The following NPAT variants were observed in gnomAD, a reference collection of about 807,000 sequenced individuals.
The protein encoded by NPAT is protein NPAT.
NPAT carries 52 observed loss-of-function variants against 130.7 expected under a neutral mutation model. The observed-to-expected ratio is 0.40, with a 90% confidence interval of 0.32 to 0.50. The LOEUF (loss-of-function observed/expected upper bound fraction) is 0.50. NPAT is among the 20% of genes least tolerant of loss of function. The probability of loss-of-function intolerance (pLI) is 0.68; values close to 1 mark genes in which losing one functional copy is unlikely to be tolerated. For missense variants in NPAT, 1,687 were observed against 1,662.6 expected (o/e 1.01, Z -0.26); for synonymous variants, 580 against 584.8 (o/e 0.99, Z 0.12).
intron 7 of NPAT, 95 bp from the exon 8 acceptor site, chr11:108,186,664 A>C: frequency 9.9e-7 from 1 of 1,010,848 alleles, no homozygotes; most frequent in South Asian, 1.4e-5. Context: ...GATCACCATA[A>C]CAGAACAGAT....
intron 1 of NPAT, chr11:108,208,391 A>C (rs1024076670): frequency 4.4e-6 from 2 of 452,334 alleles, no homozygotes; most frequent in Admixed American, 4.7e-5. Flanking sequence ...AGGGTTCAAG[A>C]CCATCCCGGG....
chr11:108,158,744 A>G lies in NPAT; in HGVS notation c.*198T>C, dbSNP rs1404931259. Reference sequence around the variant, plus strand: ...TTACATTTCTGCAAACGTTTTTCCCAAAATAAAAATATACCAAGTAAGTCT... The same window carrying G: ...TTACATTTCTGCAAACGTTTTTCCCGAAATAAAAATATACCAAGTAAGTCT... On this transcript the variant is annotated 3_prime_UTR_variant, in exon 18 of 18. Coordinates refer to ENST00000278612, the MANE Select transcript of NPAT (RefSeq NM_002519.3). 1 of 515,820 alleles carries G rather than the reference A, an allele frequency of 1.9e-6. No individual in the cohort carries two copies. Among genetic ancestry groups the G allele is most frequent in the East Asian group, 3.4e-5 (1 of 29,016 alleles). The allele number at this position is 515,820 out of a possible 1,614,324, so 32.0% of individuals were successfully genotyped here.
At chr11:108,183,168 G>T (rs1591397441) in intron 10 of NPAT, among the ~76,000 whole-genome samples, 1 of 151,584 alleles carries the variant, frequency 6.6e-6, no homozygotes, top group Non-Finnish European at 1.5e-5. Context: ...AATTTTTTTT[G>T]TATAGATGAG....
At chr11:108,197,000 A>C (rs1209112297) in intron 2 of NPAT, among the ~76,000 whole-genome samples, 2 of 152,182 alleles carry the variant, frequency 1.3e-5, no homozygotes, top group Admixed American at 6.5e-5. Context: ...TAAAAGGAGC[A>C]GCCAGATACA....
chr11:108,208,013 G>A (rs1054850995), intron 1 of NPAT, among the ~76,000 whole-genome samples: 1 of 152,214 alleles, frequency 6.6e-6, no homozygotes. Context: ...AAGTTGTTAT[G>A]TTAATACAGG....
At chr11:108,186,851 T>G (rs188962062) in intron 7 of NPAT, among the ~76,000 whole-genome samples, 2 of 152,154 alleles carry the variant, frequency 1.3e-5, no homozygotes, top group East Asian at 3.9e-4. Flanking sequence ...TGAAAAAAAC[T>G]TGAGTATAAA....
chr11:108,198,210 A>G (rs1231691492), intron 1 of NPAT, among the ~76,000 whole-genome samples: 1 of 152,212 alleles, frequency 6.6e-6, no homozygotes, highest in Non-Finnish European at 1.5e-5. Context: ...CAAACATGGA[A>G]GAAGAAAAAT....
chr11:108,185,350 T>C lies in NPAT; in HGVS notation c.819-31A>G, dbSNP rs150744251. ...AATAAAGAAAGAAAAATCTTTATTA[T>C]AGTTATGCAATTAGGCAAAAACAAT... On this transcript the variant is annotated intron_variant, in intron 9 of 17. Transcript: ENST00000278612. 551 of 1,580,316 alleles carry C rather than the reference T, an allele frequency of 3.5e-4. 2 individuals carry two copies. In the African/African-American group the frequency reaches 6.8e-3, roughly 19 times the overall value.
At position 108,189,165 on chromosome 11, in the gene NPAT, T is replaced by C; in HGVS notation, c.497A>G (p.Asp166Gly). The C allele has an allele frequency of 6.2e-7, 1 of 1,614,174 alleles. No individual in the cohort carries two copies. Among genetic ancestry groups the C allele is most frequent in the Non-Finnish European group, 8.5e-7 (1 of 1,180,022 alleles). The change falls in exon 6 of 18, where the codon GAT becomes GGT. Residue 166 changes from aspartate to glycine, a missense_variant. Asp to Gly is a moderately conservative substitution (Grantham distance 94, BLOSUM62 -1). This residue lies in a region of NPAT where 307 missense variants were observed against 298.9 expected (regional missense o/e 1.03). Transcript: ENST00000278612. ...CACTACAAAATATGACCTCGATGGA[T>C]CTGAAATTTGGCCACTTGGTCGAGT... ...QVTRPSGQIS[D>G]PSRSYFVVVN...
chr11:108,162,940 C>T (rs770239314), intron 15 of NPAT, among the ~76,000 whole-genome samples: 36 of 152,098 alleles, frequency 2.4e-4, no homozygotes, highest in African/African-American at 2.4e-4. Flanking sequence ...TTAATTTCCA[C>T]GAGCTTCAGC....
rs142706701 is a variant in NPAT at position 108,211,130 on chromosome 11, C to T, written c.37+11370G>A. ...GCTACTCGGGAGGCTGGGACAGAATCGCTTGAACCAGGGAGTCAGAGGTTG... is the reference window on the plus strand; with the variant it reads ...GCTACTCGGGAGGCTGGGACAGAATTGCTTGAACCAGGGAGTCAGAGGTTG... On this transcript the variant is annotated intron_variant, in intron 1 of 17. Coordinates refer to ENST00000278612, the MANE Select transcript of NPAT (RefSeq NM_002519.3). 6.1e-3 allele frequency among the ~76,000 whole-genome samples: 933 copies of T among 151,910 alleles called. 8 individuals carry two copies. Among genetic ancestry groups the T allele is most frequent in the African/African-American group, 0.02 (818 of 41,444 alleles).
At chr11:108,221,909 C>T (rs887124540) in intron 1 of NPAT, among the ~76,000 whole-genome samples, 5 of 152,172 alleles carry the variant, frequency 3.3e-5, no homozygotes, top group Admixed American at 6.5e-5. Flanking sequence ...TGAAATTTTT[C>T]GCTGATCAAA....
intron 1 of NPAT, among the ~76,000 whole-genome samples, chr11:108,198,872 CACATAACCT>C (rs2078248848): frequency 1.3e-5 from 2 of 152,170 alleles, no homozygotes; most frequent in South Asian, 4.1e-4. Flanking sequence ...CCCCAGTGTC[CACATAACCT>C]CATTCTTCTT....
intron 1 of NPAT, among the ~76,000 whole-genome samples, chr11:108,204,068 C>A (rs574168435): frequency 2.3e-4 from 35 of 152,260 alleles, no homozygotes; most frequent in African/African-American, 8.4e-4. Flanking sequence ...CAAAACAGCA[C>A]CCCGTCAGCA....
At chr11:108,213,766 C>T (rs1262041301) in intron 1 of NPAT, among the ~76,000 whole-genome samples, 1 of 152,156 alleles carries the variant, frequency 6.6e-6, no homozygotes, top group Non-Finnish European at 1.5e-5. Context: ...TGTAAAGCTA[C>T]AGTAATCCAG....
intron 1 of NPAT, among the ~76,000 whole-genome samples, chr11:108,203,389 C>T (rs568515498): frequency 2.0e-5 from 3 of 152,192 alleles, no homozygotes; most frequent in Admixed American, 6.5e-5. Flanking sequence ...CTCTCTAGGT[C>T]GGCACTGGGA....
At chr11:108,188,242 G>A in intron 6 of NPAT, 63 bp from the exon 7 acceptor site, 1 of 1,182,412 alleles carries the variant, frequency 8.5e-7, no homozygotes, top group Non-Finnish European at 1.3e-6. Context: ...AACTTGTAAT[G>A]GGATAAAAAG....
rs184260006 is a variant in NPAT, at chr11:108,169,244, A to G, written c.3010+500T>C. Among the ~76,000 whole-genome samples the G allele has an allele frequency of 4.6e-5, 7 of 152,324 alleles. No individual in the cohort carries two copies. The East Asian group carries it at 1.2e-3, about 25-fold the overall frequency. ...GGGAACACAGGAAGGTAATTTGCAA[A>G]CTTTAAAGCCTTGCTTCAAGTGTGG... On this transcript the variant is annotated intron_variant, in intron 15 of 17. Coordinates refer to ENST00000278612, the MANE Select transcript of NPAT (RefSeq NM_002519.3).
chr11:108,207,927 A>G (rs531366173), intron 1 of NPAT, among the ~76,000 whole-genome samples: 1 of 152,364 alleles, frequency 6.6e-6, no homozygotes, highest in African/African-American at 2.4e-5. Flanking sequence ...GACTGATTCA[A>G]AGACACAAAC....
Sources: allele counts gnomAD v4.1 joint callset (sites outside exome capture counted in the v4.1 genomes callset), GRCh38; gene constraint gnomAD v4.1.1; regional missense constraint gnomAD v4.1.1; transcripts MANE v1.5; gene names NCBI Gene and HGNC (gene_info 2026-07-23, HGNC 2026-07-21).